The following KHDRBS2 variants were observed in gnomAD, a reference collection of about 807,000 sequenced individuals.
KHDRBS2 encodes KH RNA binding domain containing, signal transduction associated 2.
A neutral mutation model predicts 44.3 loss-of-function variants in KHDRBS2; 26 were observed. The ratio of observed to expected loss-of-function variants is 0.59; its 90% CI spans 0.43 to 0.81. The LOEUF is 0.81. KHDRBS2 is among the 40% of genes least tolerant of loss of function. The pLI, the probability that KHDRBS2 is intolerant of heterozygous loss-of-function variation, is 0.00. For synonymous variants in KHDRBS2, 194 were observed against 151.1 expected (o/e 1.28, Z -2.08); for missense variants, 476 against 433.1 (o/e 1.10, Z -0.88).
At chr6:61,821,454 C>A (rs1011021436) in intron 6 of KHDRBS2, among the ~76,000 whole-genome samples, 1 of 151,966 alleles carries the variant, frequency 6.6e-6, no homozygotes, top group African/African-American at 2.4e-5. Flanking sequence ...GAGGACTCAG[C>A]TGGATCTATG....
the KHDRBS2 span, among the ~76,000 whole-genome samples, chr6:61,612,603 G>A: frequency 2.0e-5 from 3 of 152,126 alleles, no homozygotes; most frequent in Non-Finnish European, 4.4e-5. Context: ...AATGACAGTG[G>A]CATTATCTAT....
chr6:62,178,894 A>G (rs908958566), intron 1 of KHDRBS2, among the ~76,000 whole-genome samples: 3 of 151,598 alleles, frequency 2.0e-5, no homozygotes, highest in East Asian at 1.9e-4. Flanking sequence ...AGAAAAGGTG[A>G]TGATAGTTAT....
chr6:61,888,943 C>A (rs997598852), intron 6 of KHDRBS2, among the ~76,000 whole-genome samples: 1 of 151,988 alleles, frequency 6.6e-6, no homozygotes, highest in Admixed American at 6.6e-5. Context: ...TATGACACTT[C>A]CCCCAGAGCC....
chr6:62,115,048 G>A (rs1805882136), intron 2 of KHDRBS2, among the ~76,000 whole-genome samples: 1 of 151,960 alleles, frequency 6.6e-6, no homozygotes, highest in South Asian at 2.1e-4. Flanking sequence ...ACCTATTTGC[G>A]ATCATTCGTT....
chr6:61,900,512 T>C (rs1034229821), intron 5 of KHDRBS2, among the ~76,000 whole-genome samples: 6 of 152,132 alleles, frequency 3.9e-5, no homozygotes, highest in Non-Finnish European at 8.8e-5. Context: ...TGCCTTCTAT[T>C]AAAAGCTTGA....
At chr6:61,949,171 G>C (rs954025362) in intron 4 of KHDRBS2, among the ~76,000 whole-genome samples, 1 of 151,984 alleles carries the variant, frequency 6.6e-6, no homozygotes, top group Admixed American at 6.6e-5. Flanking sequence ...GTTTAAGTAG[G>C]GGTGAGAATA....
chr6:61,954,300 T>A (rs1227122309), intron 4 of KHDRBS2, among the ~76,000 whole-genome samples: 2 of 151,490 alleles, frequency 1.3e-5, no homozygotes, highest in Non-Finnish European at 2.9e-5. Flanking sequence ...CATATACACA[T>A]ATATATACAT....
At chr6:62,070,442 A>C (rs1263912774) in intron 2 of KHDRBS2, among the ~76,000 whole-genome samples, 10 of 151,908 alleles carry the variant, frequency 6.6e-5, no homozygotes, top group African/African-American at 9.7e-5. Context: ...GCACCCATTA[A>C]CTCGTCATTT....
chr6:61,576,124 G>A, the KHDRBS2 span, among the ~76,000 whole-genome samples: 1 of 151,988 alleles, frequency 6.6e-6, no homozygotes, highest in Non-Finnish European at 1.5e-5. Flanking sequence ...ATAAATAAGT[G>A]ACACTGGTAT....
At chr6:61,820,445 G>A (rs1789717570) in intron 6 of KHDRBS2, among the ~76,000 whole-genome samples, 1 of 151,936 alleles carries the variant, frequency 6.6e-6, no homozygotes, top group African/African-American at 2.4e-5. Flanking sequence ...TAGAGAAGAT[G>A]AAGAATATTC....
At chr6:62,033,168 G>A (rs1369285411) in intron 3 of KHDRBS2, among the ~76,000 whole-genome samples, 1 of 151,812 alleles carries the variant, frequency 6.6e-6, no homozygotes, top group Admixed American at 6.6e-5. Context: ...TACCCAAACA[G>A]AGGAGACAAA....
the KHDRBS2 span, among the ~76,000 whole-genome samples, chr6:61,604,388 C>G: frequency 1.3e-5 from 2 of 152,126 alleles, no homozygotes; most frequent in Non-Finnish European, 2.9e-5. Context: ...CAGTTTTTCT[C>G]CTTCTCATCT....
At chr6:62,260,868 A>G (rs1195142379) in intron 1 of KHDRBS2, among the ~76,000 whole-genome samples, 1 of 151,966 alleles carries the variant, frequency 6.6e-6, no homozygotes, top group Non-Finnish European at 1.5e-5. Context: ...GGCAAAATTA[A>G]GACATACTTG....
chr6:62,071,934 T>C (rs1229427861), intron 2 of KHDRBS2, among the ~76,000 whole-genome samples: 1 of 152,164 alleles, frequency 6.6e-6, no homozygotes, highest in Non-Finnish European at 1.5e-5. Context: ...CCTTGGACAG[T>C]ATGGCCATTT....
At chr6:62,045,970 A>C (rs192565035) in intron 3 of KHDRBS2, among the ~76,000 whole-genome samples, 2 of 150,900 alleles carry the variant, frequency 1.3e-5, no homozygotes, top group Non-Finnish European at 3.0e-5. Context: ...AAGAAAGAAA[A>C]AGAAAGAAAA....
chr6:61,637,810 T>C, the KHDRBS2 span, among the ~76,000 whole-genome samples: 2 of 152,138 alleles, frequency 1.3e-5, no homozygotes, highest in Non-Finnish European at 2.9e-5. Flanking sequence ...TTTCATGTGT[T>C]TTTTGGCAGC....
intron 4 of KHDRBS2, among the ~76,000 whole-genome samples, chr6:61,942,156 G>A (rs1481090830): frequency 6.6e-6 from 1 of 151,862 alleles, no homozygotes; most frequent in East Asian, 1.9e-4. Flanking sequence ...ACAGAGTCTT[G>A]GTATGTTGCC....
chr6:62,054,702 T>C lies in KHDRBS2; in HGVS notation c.220-6708A>G, dbSNP rs149662694. 3.9e-3 allele frequency among the ~76,000 whole-genome samples: 593 copies of C among 152,114 alleles called. 6 individuals carry two copies. Among genetic ancestry groups the C allele is most frequent in the Non-Finnish European group, 4.7e-3 (318 of 67,958 alleles). ...AGCCAAAGAATGAAGGCAGCTTCTA[T>C]TAGGTGGAAAAGTCAGGGAGCAGAT... is the stretch of plus-strand genomic sequence containing the variant. On this transcript the variant is annotated intron_variant, in intron 2 of 8. Coordinates refer to ENST00000281156, the MANE Select transcript of KHDRBS2 (RefSeq NM_152688.4).
chr6:62,187,706 C>T (rs1823730323), intron 1 of KHDRBS2, among the ~76,000 whole-genome samples: 1 of 151,738 alleles, frequency 6.6e-6, no homozygotes, highest in Non-Finnish European at 1.5e-5. Context: ...AATTTTTTTG[C>T]GGGGGAGGGG....
Sources: gnomAD v4.1 joint callset for allele counts (sites outside exome capture counted in the v4.1 genomes callset) on GRCh38, gnomAD v4.1.1 for gene constraint, MANE v1.5 for transcripts, NCBI Gene and HGNC (gene_info 2026-07-23, HGNC 2026-07-21) for gene names.